The following HERC1 variants were observed in gnomAD, a reference collection of about 807,000 sequenced individuals.
HERC1 encodes probable E3 ubiquitin-protein ligase HERC1.
In HERC1, 160 loss-of-function variants were observed where a neutral mutation model predicts 554.3. The ratio of observed to expected loss-of-function variants is 0.29; its 90% CI spans 0.25 to 0.33. The LOEUF (loss-of-function observed/expected upper bound fraction) is 0.33, where lower values mean the gene tolerates loss of function less well. Ranked by LOEUF, HERC1 falls within the 10% of genes least tolerant of loss-of-function variation. The pLI is 1.00. For synonymous variants in HERC1, 2,175 were observed against 2,131.7 expected (o/e 1.02, Z -0.56); for missense variants, 4,919 against 5,918.5 (o/e 0.83, Z 5.54).
At chr15:63,614,384 G>C (rs1379145861) in intron 76 of HERC1, among the ~76,000 whole-genome samples, 1 of 152,208 alleles carries the variant, frequency 6.6e-6, no homozygotes, top group Non-Finnish European at 1.5e-5. Context: ...CACCATGGCT[G>C]GCGTGCAGAA....
chr15:63,830,750 AT>A (rs2078124686), intron 1 of HERC1, among the ~76,000 whole-genome samples: 1 of 152,160 alleles, frequency 6.6e-6, no homozygotes, highest in Non-Finnish European at 1.5e-5. Flanking sequence ...AATAAATAAA[AT>A]CCATCAACCA....
intron 22 of HERC1, among the ~76,000 whole-genome samples, chr15:63,714,255 C>T (rs1288424954): frequency 6.6e-6 from 1 of 152,078 alleles, no homozygotes; most frequent in East Asian, 1.9e-4. Context: ...AATTCCCTTT[C>T]CCCTTCCAAA....
chr15:63,775,235 T>A lies in HERC1; in HGVS notation c.389A>T (p.Gln130Leu). The A allele has an allele frequency of 3.7e-6, 6 of 1,614,078 alleles. No homozygotes were observed. Among genetic ancestry groups the A allele is most frequent in the Non-Finnish European group, 5.1e-6 (6 of 1,179,898 alleles). Residue 130 changes from glutamine to leucine, a missense_variant, in exon 2 of 78, where the codon CAG becomes CTG. Around this residue, in one of 11 missense-constraint regions of HERC1, gnomAD observed 744 missense variants for 1,090.0 expected, o/e 0.68. Coordinates refer to ENST00000443617, the MANE Select transcript of HERC1 (RefSeq NM_003922.4). This position sits in a 1 kb window ranked among gnomAD's most constrained non-coding sequence, Gnocchi z 4.0. ...AGAACTGCTCTCCGGAGAATGCTGC[T>A]GCTGCTTCACCTTGCCTTTGTCATG... ...KYHDKGKVKQ[Q>L]QHSPESSSGS...
chr15:63,666,746 C>T (rs2070663783), intron 40 of HERC1, among the ~76,000 whole-genome samples: 1 of 152,096 alleles, frequency 6.6e-6, no homozygotes, highest in Non-Finnish European at 1.5e-5. Flanking sequence ...AATCTGTATA[C>T]TCAATAAAAT....
chr15:63,691,907 G>C (rs975119424), intron 31 of HERC1, among the ~76,000 whole-genome samples: 2 of 152,182 alleles, frequency 1.3e-5, no homozygotes, highest in African/African-American at 4.8e-5. Context: ...TTTAGCAAAA[G>C]AGAACAGGAA....
Position 63,833,753 on chromosome 15 carries a change from G to GCACACACACACACA in HERC1, c.-27+60_-27+73dup, listed in dbSNP as rs778263359. The GCACACACACACACA allele has an allele frequency of 4.3e-4, 20 of 46,488 alleles. 1 individual carries two copies. The highest frequency in any genetic ancestry group is 1.0e-3 in the African/African-American group (18 of 17,680). The allele number at this position is 46,488 out of a possible 1,614,324, so 2.9% of individuals were successfully genotyped here. On this transcript the variant is annotated intron_variant, in intron 1 of 77. Coordinates refer to ENST00000443617, the MANE Select transcript of HERC1 (RefSeq NM_003922.4). ...GCCGGCAAAGCACACACGCGCGCGC[G>GCACACACACACACA]CACACACACACACACACACACACAC...
At chr15:63,698,383 A>C (rs2072543106) in intron 26 of HERC1, among the ~76,000 whole-genome samples, 1 of 149,024 alleles carries the variant, frequency 6.7e-6, no homozygotes, top group South Asian at 2.2e-4. Flanking sequence ...TCACCATTGC[A>C]CTACAGCCTG....
intron 47 of HERC1, 31 bp from the exon 48 acceptor site, chr15:63,658,749 C>A (rs748150522): frequency 4.5e-6 from 7 of 1,562,368 alleles, no homozygotes; most frequent in Middle Eastern, 1.7e-4. Flanking sequence ...TTGTTCTCAA[C>A]AAGGTAAGAA....
At chr15:63,686,029 C>T (rs1205312974) in intron 34 of HERC1, among the ~76,000 whole-genome samples, 3 of 152,140 alleles carry the variant, frequency 2.0e-5, no homozygotes, top group Non-Finnish European at 4.4e-5. Context: ...CTCTAATGGG[C>T]TTTCCTAGAC....
At chr15:63,795,761 G>A (rs559069035) in intron 1 of HERC1, among the ~76,000 whole-genome samples, 3 of 152,278 alleles carry the variant, frequency 2.0e-5, no homozygotes, top group South Asian at 4.1e-4. Context: ...ATAATCTCAC[G>A]CGTCCACCCT....
chr15:63,648,081 A>C lies in HERC1; in HGVS notation c.10866T>G (p.Ile3622Met), dbSNP rs753460479. The C allele has an allele frequency of 3.0e-5, 47 of 1,557,392 alleles. No homozygotes were observed. The highest frequency in any genetic ancestry group is 3.3e-4 in the Middle Eastern group (2 of 6,022). Residue 3622 changes from isoleucine to methionine, a missense_variant, in exon 55 of 78, where the codon ATT becomes ATG. Ile to Met is a conservative substitution (Grantham distance 10, BLOSUM62 1). Transcript: ENST00000443617. Reference sequence around the variant, plus strand: ...AAGATGCATTTACCTTATGTGCATCAATTAGAACAATGCCTCCTTTCTCAA... The same window carrying C: ...AAGATGCATTTACCTTATGTGCATCCATTAGAACAATGCCTCCTTTCTCAA... ...EPLEKGGIVL[I>M]DAHKDTLISM...
chr15:63,662,874 A>T, intron 44 of HERC1, 110 bp downstream of exon 44: 1 of 758,354 alleles, frequency 1.3e-6, no homozygotes, highest in Non-Finnish European at 2.1e-6. Context: ...AGGATGAGAT[A>T]AAAGACTTTT....
chr15:63,768,018 AATC>A (rs1236167929), intron 2 of HERC1, among the ~76,000 whole-genome samples: 1 of 151,362 alleles, frequency 6.6e-6, no homozygotes, highest in Non-Finnish European at 1.5e-5. Flanking sequence ...CCCCATTAAT[AATC>A]ATTATTCTTA....
chr15:63,715,842 A>G (rs1184036378), intron 22 of HERC1, among the ~76,000 whole-genome samples: 2 of 152,210 alleles, frequency 1.3e-5, no homozygotes, highest in Non-Finnish European at 2.9e-5. Context: ...CTTGCTCCCT[A>G]TCGAAACAGC....
Position 63,696,282 on chromosome 15 carries a change from C to G in HERC1, c.4963G>C (p.Gly1655Arg). The G allele has an allele frequency of 6.2e-7, 1 of 1,613,342 alleles. No homozygotes were observed. The highest frequency in any genetic ancestry group is 8.5e-7 in the Non-Finnish European group (1 of 1,179,658). The change falls in exon 27 of 78, where the codon GGT (glycine) becomes CGT (arginine). Residue 1655 changes from glycine (G) to arginine (R), a missense_variant. This residue lies in a region of HERC1 where 1,121 missense variants were observed against 1,244.0 expected (regional missense o/e 0.90). Coordinates refer to ENST00000443617, the MANE Select transcript of HERC1 (RefSeq NM_003922.4). ...LVLLSGMEEK[G>R]SISLAGSRLS... ...CTGCTTCCTGCCAGTGAGATGCTAC[C>G]TTTTTCTTCCATCCCAGACAATAGA...
chr15:63,822,486 T>C (rs1171485834), intron 1 of HERC1, among the ~76,000 whole-genome samples: 2 of 151,622 alleles, frequency 1.3e-5, no homozygotes, highest in African/African-American at 4.9e-5. Flanking sequence ...CTCGGGAGGC[T>C]GAGGCAGGAT....
chr15:63,705,801 G>A (rs905228073), intron 25 of HERC1, among the ~76,000 whole-genome samples: 5 of 152,046 alleles, frequency 3.3e-5, no homozygotes, highest in African/African-American at 1.2e-4. Flanking sequence ...AGGCCAAGGT[G>A]GGAGGACTGC....
At chr15:63,816,312 CT>C (rs924893365) in intron 1 of HERC1, among the ~76,000 whole-genome samples, 3 of 152,176 alleles carry the variant, frequency 2.0e-5, no homozygotes, top group Admixed American at 6.5e-5. Context: ...CTCCAGAGCC[CT>C]TTTGTCAAGG....
chr15:63,720,612 T>C lies in HERC1; in HGVS notation c.3743-1715A>G, dbSNP rs558066755. Among the ~76,000 whole-genome samples, 7 of 152,046 alleles carry C rather than the reference T, an allele frequency of 4.6e-5. No homozygotes were observed. In the South Asian group the frequency reaches 1.5e-3, roughly 32 times the overall value. Reference sequence around the variant, plus strand: ...GTTCAGACTTATCCTGCTTTATCAGTAAAAAAAATTGACAAGGACAAATAT... The same window carrying C: ...GTTCAGACTTATCCTGCTTTATCAGCAAAAAAAATTGACAAGGACAAATAT... On this transcript the variant is annotated intron_variant, in intron 19 of 77. Transcript: ENST00000443617.
Sources: allele counts gnomAD v4.1 joint callset (sites outside exome capture counted in the v4.1 genomes callset), GRCh38; gene constraint gnomAD v4.1.1; regional missense constraint gnomAD v4.1.1; non-coding constraint Gnocchi (gnomAD v3.1); transcripts MANE v1.5; gene names NCBI Gene and HGNC (gene_info 2026-07-23, HGNC 2026-07-21).